STAU2: variants seen among roughly 807,000 people sequenced by gnomAD.
STAU2 encodes double-stranded RNA-binding protein Staufen homolog 2.
In STAU2, 20 loss-of-function variants were observed where a neutral mutation model predicts 65.9. The observed-to-expected ratio is 0.30, with a 90% CI of 0.21 to 0.44. The LOEUF is 0.44. Ranked by LOEUF, STAU2 falls within the 20% of genes least tolerant of loss-of-function variation. The pLI, the probability that STAU2 is intolerant of heterozygous loss-of-function variation, is 1.00. For synonymous variants in STAU2, 232 were observed against 233.9 expected (o/e 0.99, Z 0.07); for missense variants, 558 against 683.9 (o/e 0.82, Z 2.05).
chr8:73,609,547 G>A (rs769954089), intron 9 of STAU2, among the ~76,000 whole-genome samples: 8 of 151,700 alleles, frequency 5.3e-5, no homozygotes, highest in South Asian at 2.1e-4. Context: ...CCAGCTACTC[G>A]GGAGGCTGAG....
At chr8:73,650,909 G>A (rs1815813582) in intron 6 of STAU2, among the ~76,000 whole-genome samples, 1 of 152,218 alleles carries the variant, frequency 6.6e-6, no homozygotes, top group African/African-American at 2.4e-5. Flanking sequence ...CTCTAAATGG[G>A]AGAATAGAAG....
upstream of STAU2, chr8:73,747,413 CTG>C (rs1563546442): frequency 6.5e-7 from 1 of 1,535,468 alleles, no homozygotes; most frequent in South Asian, 1.2e-5. Context: ...GGCTGCCCCT[CTG>C]TGCTGTGCAG....
chr8:73,587,303 T>A (rs1810448418), intron 11 of STAU2, among the ~76,000 whole-genome samples: 4 of 152,316 alleles, frequency 2.6e-5, no homozygotes, highest in East Asian at 1.9e-4. Context: ...TTACTTCCCA[T>A]GTATCCTTCA....
At chr8:73,485,442 C>A (rs1820865983) in intron 13 of STAU2, among the ~76,000 whole-genome samples, 1 of 152,014 alleles carries the variant, frequency 6.6e-6, no homozygotes, top group Non-Finnish European at 1.5e-5. Flanking sequence ...TACCAAGTGG[C>A]CTCGTGAGAA....
At chr8:73,723,635 C>A (rs1042554301) in intron 3 of STAU2, among the ~76,000 whole-genome samples, 1 of 152,140 alleles carries the variant, frequency 6.6e-6, no homozygotes, top group Non-Finnish European at 1.5e-5. Context: ...ATTTTTTCTG[C>A]AATGTCTAAT....
chr8:73,652,996 A>T (rs966313356), intron 6 of STAU2: 2 of 152,214 alleles, frequency 1.3e-5, no homozygotes, highest in African/African-American at 4.8e-5. Context: ...TTAGGGCGTA[A>T]TTAAAGCCCT....
chr8:73,674,703 T>A (rs73689020), intron 5 of STAU2, among the ~76,000 whole-genome samples: 2,098 of 149,094 alleles, frequency 0.014, 43 homozygotes, highest in African/African-American at 0.045. Context: ...TAAAATTATT[T>A]TATATATATA....
At chr8:73,737,873 T>TATCAGGGCAC (rs1806555905) in intron 3 of STAU2, among the ~76,000 whole-genome samples, 1 of 151,908 alleles carries the variant, frequency 6.6e-6, no homozygotes, top group South Asian at 2.1e-4. Flanking sequence ...TTCTAGTGTT[T>TATCAGGGCAC]TTCAGTGCCC....
rs192285072 is a variant in STAU2, at chr8:73,605,002, A to C, written c.892-1139T>G. On this transcript the variant is annotated intron_variant, in intron 9 of 14. Transcript: ENST00000524300. The stretch of plus-strand genomic sequence containing the variant: ...GCATTATTTGAAATAGGAAAAAAAA[A>C]CTAGAATATTCATCAATAAAAGAAC... Among the ~76,000 whole-genome samples the C allele has an allele frequency of 2.6e-3, 396 of 152,276 alleles. 1 individual carries two copies. Among genetic ancestry groups the C allele is most frequent in the African/African-American group, 8.7e-3 (361 of 41,570 alleles).
At chr8:73,647,742 C>T (rs1462258829) in intron 6 of STAU2, among the ~76,000 whole-genome samples, 2 of 152,002 alleles carry the variant, frequency 1.3e-5, no homozygotes, top group African/African-American at 4.8e-5. Context: ...CCATGTCTGG[C>T]TAATTTATTT....
chr8:73,500,914 A>C (rs1326253304), intron 13 of STAU2, among the ~76,000 whole-genome samples: 1 of 151,906 alleles, frequency 6.6e-6, no homozygotes, highest in Non-Finnish European at 1.5e-5. Context: ...TAAAATCTTT[A>C]AGTTCTCCAA....
chr8:73,633,169 A>G (rs946382497), intron 6 of STAU2, among the ~76,000 whole-genome samples: 6 of 152,262 alleles, frequency 3.9e-5, no homozygotes, highest in African/African-American at 1.4e-4. Context: ...ATATGCCGGC[A>G]CTGAGCATGC....
chr8:73,619,982 A>T (rs1813108288), intron 6 of STAU2, among the ~76,000 whole-genome samples: 1 of 152,234 alleles, frequency 6.6e-6, no homozygotes, highest in African/African-American at 2.4e-5. Flanking sequence ...AACAAAGATT[A>T]AAAAGCATTA....
At chr8:73,508,861 C>T (rs1822215831) in intron 13 of STAU2, among the ~76,000 whole-genome samples, 1 of 152,032 alleles carries the variant, frequency 6.6e-6, no homozygotes, top group South Asian at 2.1e-4. Flanking sequence ...GAATAATATT[C>T]CATTATATGG....
chr8:73,640,435 AG>A (rs1299280401), intron 6 of STAU2, among the ~76,000 whole-genome samples: 2 of 152,288 alleles, frequency 1.3e-5, no homozygotes, highest in Admixed American at 1.3e-4. Context: ...TACAGACTAG[AG>A]GTCCACAAAC....
chr8:73,552,638 T>G (rs371129011), intron 12 of STAU2, among the ~76,000 whole-genome samples: 7 of 152,276 alleles, frequency 4.6e-5, no homozygotes, highest in African/African-American at 1.7e-4. Context: ...AAATCAGGAA[T>G]GTGCAGTGTC....
intron 4 of STAU2, among the ~76,000 whole-genome samples, chr8:73,702,319 G>T (rs185419445): frequency 1.3e-5 from 2 of 152,138 alleles, no homozygotes; most frequent in Admixed American, 1.3e-4. Flanking sequence ...TATGCATTGC[G>T]TGTCTAATCT....
rs1355712130 is a variant in STAU2 at position 73,433,846 on chromosome 8, G to A, written c.1531-11144C>T. Among the ~76,000 whole-genome samples, 3 of 151,774 alleles carry A rather than the reference G, an allele frequency of 2.0e-5. 1 individual carries two copies. Among genetic ancestry groups the A allele is most frequent in the African/African-American group, 7.3e-5 (3 of 41,118 alleles). ...TCAACACAAAGTCCCCTTTGTCACGGGGCTTACTGAAACAGAGCTGCGGGC... is the reference window on the plus strand; with the variant it reads ...TCAACACAAAGTCCCCTTTGTCACGAGGCTTACTGAAACAGAGCTGCGGGC... On this transcript the variant is annotated intron_variant, in intron 13 of 14. Transcript: ENST00000524300.
chr8:73,631,377 TAA>T (rs1367693947), intron 6 of STAU2, among the ~76,000 whole-genome samples: 16 of 133,296 alleles, frequency 1.2e-4, no homozygotes, highest in Admixed American at 1.5e-4. Flanking sequence ...CCTCATCTCT[TAA>T]AAAAAAAAAA....
Sources: allele counts gnomAD v4.1 joint callset (sites outside exome capture counted in the v4.1 genomes callset), GRCh38; gene constraint gnomAD v4.1.1; transcripts MANE v1.5; gene names NCBI Gene and HGNC (gene_info 2026-07-23, HGNC 2026-07-21).